The following CDC14A variants were observed in gnomAD, a reference collection of about 807,000 sequenced individuals.
The protein encoded by CDC14A is cell division cycle 14A.
A neutral mutation model predicts 74.4 loss-of-function variants in CDC14A; 53 were observed. That is an observed-to-expected ratio of 0.71 (90% CI 0.57 to 0.89). The LOEUF is 0.89. CDC14A is among the 40% of genes least tolerant of loss of function. CDC14A has a pLI of 0.00. For synonymous variants in CDC14A, 247 were observed against 258.4 expected, an observed-to-expected ratio of 0.96 and a Z score of 0.43; for missense variants, 646 against 713.7, an observed-to-expected ratio of 0.91 and a Z score of 1.08.
intron 8 of CDC14A, among the ~76,000 whole-genome samples, chr1:100,459,101 GCACA>G (rs545033793): frequency 7.7e-5 from 11 of 143,786 alleles, no homozygotes; most frequent in East Asian, 4.0e-4. Context: ...ACACACACAC[GCACA>G]CACACACACA....
chr1:100,363,451 G>T (rs1653083947), intron 2 of CDC14A, among the ~76,000 whole-genome samples: 1 of 152,166 alleles, frequency 6.6e-6, no homozygotes, highest in Non-Finnish European at 1.5e-5. Flanking sequence ...TCTGGTAAAT[G>T]ATCACAATTA....
chr1:100,351,677 C>T (rs1651022144), upstream of CDC14A: 7 of 1,440,908 alleles, frequency 4.9e-6, no homozygotes, highest in Admixed American at 4.0e-5. Flanking sequence ...CCTCCGGGAC[C>T]GGAGCACTGT....
At chr1:100,445,910 G>T (rs1665496049) in intron 7 of CDC14A, among the ~76,000 whole-genome samples, 1 of 152,160 alleles carries the variant, frequency 6.6e-6, no homozygotes, top group Admixed American at 6.5e-5. Flanking sequence ...GTGATTGGCA[G>T]GTGGTAGGTA....
At position 100,455,497 on chromosome 1, in the gene CDC14A, G is replaced by T; in HGVS notation, c.607+5G>T. 6 of 1,516,898 alleles carry T rather than the reference G, an allele frequency of 4.0e-6. No individual in the cohort carries two copies. The highest frequency in any genetic ancestry group is 2.4e-5 in the East Asian group (1 of 42,530). 94.0% of individuals were successfully genotyped at this position (1,516,898 alleles called of 1,614,324 possible). ...CTAAAAGCAAAATTGAGAATGGTAG[G>T]TTTTTTTTTCCTTTACCATCCAAAC... On this transcript the variant is annotated splice_donor_5th_base_variant and intron_variant, in intron 8 of 15. Coordinates refer to ENST00000336454, the MANE Select transcript of CDC14A (RefSeq NM_003672.4).
intron 10 of CDC14A, among the ~76,000 whole-genome samples, chr1:100,480,793 A>G (rs980649862): frequency 5.3e-5 from 8 of 152,234 alleles, no homozygotes; most frequent in Non-Finnish European, 8.8e-5. Context: ...GCATTTTGGC[A>G]TGACACTCCA....
chr1:100,356,638 G>A (rs562053744), intron 2 of CDC14A, among the ~76,000 whole-genome samples: 7 of 151,974 alleles, frequency 4.6e-5, no homozygotes, highest in Non-Finnish European at 1.0e-4. Context: ...GGTGGATCAC[G>A]AGGCCAGGAG....
intron 3 of CDC14A, among the ~76,000 whole-genome samples, chr1:100,378,909 A>C (rs1644127542): frequency 6.6e-6 from 1 of 152,190 alleles, no homozygotes; most frequent in African/African-American, 2.4e-5. Context: ...AGGTTTTTGC[A>C]ATCACCTAGG....
intron 4 of CDC14A, among the ~76,000 whole-genome samples, chr1:100,419,894 GAAT>G (rs2101065577): frequency 6.6e-6 from 1 of 150,662 alleles, no homozygotes; most frequent in Admixed American, 6.6e-5. Flanking sequence ...TAAAATTGAA[GAAT>G]ACTCTTTCAG....
At chr1:100,468,163 T>C in intron 10 of CDC14A, 69 bp downstream of exon 10, 2 of 1,559,316 alleles carry the variant, frequency 1.3e-6, no homozygotes, top group Non-Finnish European at 1.8e-6. Flanking sequence ...GTTCCCCTGG[T>C]TGTGGACCAT....
chr1:100,513,507 T>C (rs1649956329), intron 15 of CDC14A, among the ~76,000 whole-genome samples: 1 of 152,176 alleles, frequency 6.6e-6, no homozygotes, highest in South Asian at 2.1e-4. Context: ...AGTAGGATGC[T>C]AACATTCCAG....
intron 11 of CDC14A, among the ~76,000 whole-genome samples, chr1:100,489,532 ATATT>A (rs1670402602): frequency 6.6e-6 from 1 of 151,192 alleles, no homozygotes; most frequent in Non-Finnish European, 1.5e-5. Flanking sequence ...GTGGAATAAA[ATATT>A]TATTCTTCAT....
rs183310067 is a variant in CDC14A at position 100,505,762 on chromosome 1, T to C, written c.1755+6500T>C. On this transcript the variant is annotated intron_variant, in intron 15 of 15. Coordinates refer to ENST00000336454, the MANE Select transcript of CDC14A (RefSeq NM_003672.4). ...GGACATTTTTATTCGTCTGCTTTTG[T>C]CGCTATTAAGAAATACCTGAGGCTG... Among the ~76,000 whole-genome samples, 560 of 152,326 alleles carry C rather than the reference T, an allele frequency of 3.7e-3. 5 individuals are homozygous for C. The South Asian group carries it at 0.041, about 11-fold the overall frequency.
At chr1:100,421,547 C>A (rs1263653922) in intron 4 of CDC14A, among the ~76,000 whole-genome samples, 3 of 152,172 alleles carry the variant, frequency 2.0e-5, no homozygotes, top group African/African-American at 7.2e-5. Flanking sequence ...TTCCCCTGCC[C>A]TTTTCCTCAA....
intron 9 of CDC14A, among the ~76,000 whole-genome samples, chr1:100,463,891 A>G (rs1331914179): frequency 1.3e-5 from 2 of 151,926 alleles, no homozygotes; most frequent in African/African-American, 4.8e-5. Flanking sequence ...AGCTCCTCCT[A>G]GTGTCGCTGG....
intron 11 of CDC14A, among the ~76,000 whole-genome samples, chr1:100,490,429 A>G (rs1571326478): frequency 1.3e-5 from 2 of 152,118 alleles, no homozygotes; most frequent in East Asian, 3.8e-4. Flanking sequence ...GGCCACAGAG[A>G]AAAAATAAAA....
intron 15 of CDC14A, among the ~76,000 whole-genome samples, chr1:100,510,430 A>G (rs1257550198): frequency 1.3e-5 from 2 of 152,172 alleles, no homozygotes; most frequent in Non-Finnish European, 2.9e-5. Flanking sequence ...AAATTCATTG[A>G]ATAAACCTTC....
At chr1:100,472,701 A>T (rs991739333) in intron 10 of CDC14A, among the ~76,000 whole-genome samples, 5 of 151,966 alleles carry the variant, frequency 3.3e-5, no homozygotes, top group Admixed American at 3.3e-4. Context: ...TTACATTCAC[A>T]TTTAAGTCTG....
At chr1:100,487,561 A>G (rs368936134) in intron 11 of CDC14A, among the ~76,000 whole-genome samples, 5,127 of 63,800 alleles carry the variant, frequency 0.08, 284 homozygotes, top group African/African-American at 0.16. Flanking sequence ...CTCGGTCTCA[A>G]AAACAAAACA....
At chr1:100,350,174 C>T (rs370936492), upstream of CDC14A, among the ~76,000 whole-genome samples, 745 of 152,032 alleles carry the variant, frequency 4.9e-3, 7 homozygotes, top group African/African-American at 0.017. Flanking sequence ...AGGCTGGTCT[C>T]GAACTCCTGC....
Sources: gnomAD v4.1 joint callset for allele counts (sites outside exome capture counted in the v4.1 genomes callset) on GRCh38, gnomAD v4.1.1 for gene constraint, MANE v1.5 for transcripts, NCBI Gene and HGNC (gene_info 2026-07-23, HGNC 2026-07-21) for gene names.